The following MARCHF4 variants were observed in gnomAD, a reference collection of about 807,000 sequenced individuals.
The protein encoded by MARCHF4 is membrane associated ring-CH-type finger 4, also known as E3 ubiquitin-protein ligase MARCHF4.
A neutral mutation model predicts 43.9 loss-of-function variants in MARCHF4; 14 were observed. That is an observed-to-expected ratio of 0.32 (90% CI 0.21 to 0.50). MARCHF4 has a LOEUF of 0.50. Among genes scored for constraint, MARCHF4 ranks in the 20% least tolerant of loss-of-function variants. MARCHF4 has a pLI of 0.98. For synonymous variants in MARCHF4, 226 were observed against 213.3 expected (o/e 1.06, Z -0.52); for missense variants, 468 against 536.7 (o/e 0.87, Z 1.27).
intron 3 of MARCHF4, among the ~76,000 whole-genome samples, chr2:216,270,197 T>G (rs1290344642): frequency 6.6e-6 from 1 of 152,124 alleles, no homozygotes; most frequent in Non-Finnish European, 1.5e-5. Context: ...TGTCTCAGCC[T>G]CCTGAGTAAC....
intron 1 of MARCHF4, among the ~76,000 whole-genome samples, chr2:216,289,613 A>G (rs369131874): frequency 1.4e-4 from 22 of 152,288 alleles, no homozygotes; most frequent in African/African-American, 5.3e-4. Flanking sequence ...CACATCTTTC[A>G]GTCTGAAGGT....
At chr2:216,281,744 A>T (rs1240231524) in intron 2 of MARCHF4, among the ~76,000 whole-genome samples, 1 of 152,172 alleles carries the variant, frequency 6.6e-6, no homozygotes, top group Non-Finnish European at 1.5e-5. Context: ...CATTTCCAGG[A>T]GCAACAGAAT....
chr2:216,260,435 G>C (rs1559279805), intron 3 of MARCHF4, among the ~76,000 whole-genome samples: 1 of 152,330 alleles, frequency 6.6e-6, no homozygotes, highest in Non-Finnish European at 1.5e-5. Flanking sequence ...CTGAGATCCT[G>C]TTTTAGCAAG....
At chr2:216,275,498 G>C (rs1691004704) in intron 3 of MARCHF4, among the ~76,000 whole-genome samples, 1 of 152,224 alleles carries the variant, frequency 6.6e-6, no homozygotes, top group Non-Finnish European at 1.5e-5. Flanking sequence ...CTAATGGAAT[G>C]AGCACTGGGT....
chr2:216,269,935 G>T (rs1295789698), intron 3 of MARCHF4, among the ~76,000 whole-genome samples: 2 of 152,010 alleles, frequency 1.3e-5, no homozygotes, highest in Admixed American at 6.6e-5. Flanking sequence ...GTGTCCCCTA[G>T]TCCTCTGTCC....
intron 1 of MARCHF4, among the ~76,000 whole-genome samples, chr2:216,323,713 A>C (rs960685919): frequency 3.9e-5 from 6 of 152,218 alleles, no homozygotes; most frequent in Non-Finnish European, 8.8e-5. Context: ...CTGAATGACT[A>C]CTGGGTACAT....
chr2:216,288,877 T>A (rs1039400316), intron 1 of MARCHF4, among the ~76,000 whole-genome samples: 15 of 152,104 alleles, frequency 9.9e-5, no homozygotes, highest in South Asian at 2.1e-4. Context: ...TCTATTTGCA[T>A]AAAAGCAGGA....
chr2:216,365,825 G>A (rs1692657821), intron 1 of MARCHF4, among the ~76,000 whole-genome samples: 1 of 152,156 alleles, frequency 6.6e-6, no homozygotes, highest in Non-Finnish European at 1.5e-5. Context: ...TGTGATGTCT[G>A]GGTTAGATTG....
At chr2:216,277,931 T>C (rs945890716) in intron 2 of MARCHF4, 67 bp from the exon 3 acceptor site, 2 of 1,423,972 alleles carry the variant, frequency 1.4e-6, no homozygotes, top group African/African-American at 2.8e-5. Context: ...ACCCCTCTTC[T>C]GTCTGCTGCT....
Position 216,298,306 on chromosome 2 carries a change from C to A in MARCHF4, c.517-14577G>T, listed in dbSNP as rs1691430833. On this transcript the variant is annotated intron_variant, in intron 1 of 3. Transcript: ENST00000273067. ...TTTTTACAGGGTCTGACTCTGTTGT[C>A]CAGACTGGAGAGTACAGTGGCACAG... Among the ~76,000 whole-genome samples, 3 of 115,588 alleles carry A rather than the reference C, an allele frequency of 2.6e-5. No individual in the cohort carries two copies. The South Asian group carries it at 9.2e-4, about 35-fold the overall frequency. The allele number at this position is 115,588 out of a possible 152,430, so 75.8% of individuals were successfully genotyped here.
chr2:216,291,283 G>T (rs1227941207), intron 1 of MARCHF4, among the ~76,000 whole-genome samples: 1 of 152,170 alleles, frequency 6.6e-6, no homozygotes, highest in Admixed American at 6.5e-5. Context: ...AAGTGCTGCT[G>T]ATGGGAACCA....
At chr2:216,298,903 C>T (rs1455450941) in intron 1 of MARCHF4, among the ~76,000 whole-genome samples, 2 of 152,208 alleles carry the variant, frequency 1.3e-5, no homozygotes, top group Non-Finnish European at 2.9e-5. Flanking sequence ...ATTCAAAAGG[C>T]ATTTTTAAGG....
At chr2:216,360,993 T>C (rs1295378489) in intron 1 of MARCHF4, among the ~76,000 whole-genome samples, 1 of 152,070 alleles carries the variant, frequency 6.6e-6, no homozygotes, top group Middle Eastern at 3.2e-3. Context: ...GTATGGGATG[T>C]TGATGGTGGG....
At chr2:216,271,000 A>T (rs1332830964) in intron 3 of MARCHF4, among the ~76,000 whole-genome samples, 1 of 152,226 alleles carries the variant, frequency 6.6e-6, no homozygotes, top group Non-Finnish European at 1.5e-5. Flanking sequence ...CTAGAGTTCA[A>T]TTTAAAATGC....
intron 3 of MARCHF4, among the ~76,000 whole-genome samples, chr2:216,271,291 T>G (rs541948459): frequency 6.6e-6 from 1 of 152,186 alleles, no homozygotes; most frequent in Non-Finnish European, 1.5e-5. Context: ...TGCACCTCCA[T>G]ACAATGCTAG....
At chr2:216,328,792 C>T (rs897169424) in intron 1 of MARCHF4, among the ~76,000 whole-genome samples, 2 of 152,186 alleles carry the variant, frequency 1.3e-5, no homozygotes, top group African/African-American at 4.8e-5. Flanking sequence ...AATCCCAGCA[C>T]TTTGGGAGGC....
chr2:216,350,562 C>T (rs368028044), intron 1 of MARCHF4, among the ~76,000 whole-genome samples: 1 of 152,026 alleles, frequency 6.6e-6, no homozygotes, highest in East Asian at 1.9e-4. Flanking sequence ...CTGTGCCACA[C>T]CACCTCACTG....
At chr2:216,299,952 A>C (rs143104390) in intron 1 of MARCHF4, among the ~76,000 whole-genome samples, 62 of 152,304 alleles carry the variant, frequency 4.1e-4, no homozygotes, top group African/African-American at 1.3e-3. Flanking sequence ...TTCAATGCAC[A>C]AGCACCTTTC....
chr2:216,356,127 T>C (rs1430673949), intron 1 of MARCHF4, among the ~76,000 whole-genome samples: 3 of 152,276 alleles, frequency 2.0e-5, no homozygotes, highest in Admixed American at 6.5e-5. Context: ...ATTCCTTCAG[T>C]GTGCGAAGGC....
Sources: gnomAD v4.1 joint callset for allele counts (sites outside exome capture counted in the v4.1 genomes callset) on GRCh38, gnomAD v4.1.1 for gene constraint, MANE v1.5 for transcripts, NCBI Gene and HGNC (gene_info 2026-07-23, HGNC 2026-07-21) for gene names.